PARP3: variants seen among roughly 807,000 people sequenced by gnomAD.
PARP3 encodes the protein protein mono-ADP-ribosyltransferase PARP3.
Under a neutral mutation model 58.2 loss-of-function variants are expected in PARP3, and 46 were observed. The ratio of observed to expected loss-of-function variants is 0.79; its 90% CI spans 0.62 to 1.01. PARP3 has a LOEUF of 1.01. Among genes scored for constraint, PARP3 ranks in the 50% least tolerant of loss-of-function variants. PARP3 has a pLI of 0.00. For synonymous variants in PARP3, 252 were observed against 266.4 expected, an observed-to-expected ratio of 0.95 and a Z score of 0.53; for missense variants, 663 against 683.9, an observed-to-expected ratio of 0.97 and a Z score of 0.34.
At position 51,945,543 on chromosome 3, in the gene PARP3, CAGG is replaced by C. The variant is rs1699656270; in HGVS notation, c.913_915del (p.Glu305del). 5 of 1,613,906 alleles carry C rather than the reference CAGG, an allele frequency of 3.1e-6. No homozygotes were observed. Among genetic ancestry groups the C allele is most frequent in the Non-Finnish European group, 4.2e-6 (5 of 1,179,998 alleles). On this transcript the variant is annotated inframe_deletion, in exon 7 of 11. Transcript: ENST00000398755. The stretch of plus-strand genomic sequence containing the variant: ...CCAGGCCCTGCAGGCAGTCTCTGAG[CAGG>C]AGAAGACGGTGGAGGAGGTGCCACA...
At chr3:51,948,066 C>T (rs780899367) in intron 10 of PARP3, among the ~76,000 whole-genome samples, 171 bp downstream of exon 10, 2 of 152,184 alleles carry the variant, frequency 1.3e-5, no homozygotes, top group Non-Finnish European at 2.9e-5. Context: ...CTGGGCATCC[C>T]GGAGGGCTTC....
At chr3:51,943,882 C>T (rs1422375096) in intron 2 of PARP3, among the ~76,000 whole-genome samples, 2 of 151,582 alleles carry the variant, frequency 1.3e-5, no homozygotes, top group Admixed American at 6.6e-5. Context: ...CCCCCAGCAC[C>T]CCCCATACCT....
At chr3:51,948,177 G>C in intron 10 of PARP3, 134 bp from the exon 11 acceptor site, 1 of 949,182 alleles carries the variant, frequency 1.1e-6, no homozygotes. Flanking sequence ...CCCTGCAGTG[G>C]TTTGGAGGTG....
chr3:51,946,351 G>A lies in PARP3; in HGVS notation c.1276+8G>A, dbSNP rs1004527470. The A allele has an allele frequency of 2.0e-5, 31 of 1,589,082 alleles. No homozygotes were observed. Among genetic ancestry groups the A allele is most frequent in the Non-Finnish European group, 2.5e-5 (29 of 1,166,718 alleles). The stretch of plus-strand genomic sequence containing the variant: ...GCAAGTCAGCTGGATATGGTGAGGT[G>A]CCCCTCTGGGCCAAGCCCTGGGAGG... On this transcript the variant is annotated splice_region_variant and intron_variant, in intron 9 of 10. Transcript: ENST00000398755. This position sits in a 1 kb window ranked among gnomAD's most constrained non-coding sequence, Gnocchi z 4.6.
Position 51,946,242 on chromosome 3 carries a change from C to T in PARP3, c.1175C>T (p.Ala392Val), listed in dbSNP as rs569487633. Residue 392 changes from alanine (A) to valine (V), a missense_variant, in exon 9 of 11, where the codon GCC (alanine) becomes GTC (valine). Coordinates refer to ENST00000398755, the MANE Select transcript of PARP3 (RefSeq NM_001003931.4). The surrounding 1 kb of genome is among the most constrained non-coding windows in gnomAD (Gnocchi z 4.6). ...LWHGTNMAVV[A>V]AILTSGLRIM... ...CATGGCACCAACATGGCCGTGGTGG[C>T]CGCCATCCTCACTAGTGGGCTCCGC... The T allele has an allele frequency of 2.5e-6, 4 of 1,613,992 alleles. No homozygotes were observed. The African/African-American group carries it at 4.0e-5, about 16-fold the overall frequency.
chr3:51,945,281 G>A (rs1699650162), intron 6 of PARP3, 57 bp downstream of exon 6: 13 of 1,549,422 alleles, frequency 8.4e-6, no homozygotes, highest in African/African-American at 1.4e-5. Context: ...CAGCCTAGGC[G>A]AGCGAGATGA....
Position 51,945,131 on chromosome 3 carries a change from C to G in PARP3, c.768C>G (p.His256Gln), listed in dbSNP as rs371960861. ...AAAGCCTGGAGGAGCTGTCCTCACA[C>G]TTTTACACCGTCATCCCGCACAACT... The part of the protein sequence containing the change: ...GGQSLEELSS[H>Q]FYTVIPHNFG... The change falls in exon 6 of 11, where the codon CAC (histidine) becomes CAG (glutamine). Residue 256 changes from histidine (H) to glutamine (Q), a missense_variant. By Grantham distance (24) the His-to-Gln change is conservative (BLOSUM62 0). Coordinates refer to ENST00000398755, the MANE Select transcript of PARP3 (RefSeq NM_001003931.4). 327 of 1,614,002 alleles carry G rather than the reference C, an allele frequency of 2.0e-4. No homozygotes were observed. Among genetic ancestry groups the G allele is most frequent in the Non-Finnish European group, 2.5e-4 (292 of 1,180,056 alleles).
chr3:51,948,752 C>A lies in PARP3; in HGVS notation c.*272C>A, dbSNP rs184343921. 1.5e-4 allele frequency: 63 copies of A among 431,290 alleles called. No homozygotes were observed. The highest frequency in any genetic ancestry group is 6.9e-4 in the Admixed American group (17 of 24,480). 26.7% of individuals were successfully genotyped at this position (431,290 alleles called of 1,614,324 possible). A position where few individuals can be genotyped will look rare whatever the true frequency, so the allele number is the denominator to read the frequency against. On this transcript the variant is annotated 3_prime_UTR_variant, in exon 11 of 11. Transcript: ENST00000398755. ...ATAAGGGCAGCTTTTATAGGTTCCA[C>A]ATGTAAGTGAGATCATGCAGTGTTT... is the stretch of plus-strand genomic sequence containing the variant.
chr3:51,944,764 C>T lies in PARP3; in HGVS notation c.502-14C>T, dbSNP rs372509706. 448 of 1,602,414 alleles carry T rather than the reference C, an allele frequency of 2.8e-4. 2 individuals carry two copies. The highest frequency in any genetic ancestry group is 1.9e-3 in the Middle Eastern group (11 of 5,646). On this transcript the variant is annotated splice_polypyrimidine_tract_variant and intron_variant, in intron 4 of 10. Coordinates refer to ENST00000398755, the MANE Select transcript of PARP3 (RefSeq NM_001003931.4). This position sits in a 1 kb window ranked among gnomAD's most constrained non-coding sequence, Gnocchi z 4.2. ...GCCCCGCTGCTCCTGCCCACATGTG[C>T]CCTCTATCTTCAGGTGGACAGAGGC...
At chr3:51,947,349 C>T (rs186650802) in intron 9 of PARP3, among the ~76,000 whole-genome samples, 2 of 152,278 alleles carry the variant, frequency 1.3e-5, no homozygotes, top group Admixed American at 6.5e-5. Context: ...GCAAGGGGTC[C>T]ACCAGGAGGG....
Position 51,943,410 on chromosome 3 carries a change from G to A in PARP3, c.55G>A (p.Gly19Ser), listed in dbSNP as rs773475379. ...VQTEGPEKKKGRQAGREEDPF... is the reference protein window; with the variant it reads ...VQTEGPEKKKSRQAGREEDPF... ...GACTGAGGGCCCTGAGAAGAAGAAGGGCCGGCAGGCAGGAAGGGAGGAGGA... is the reference window on the plus strand; with the variant it reads ...GACTGAGGGCCCTGAGAAGAAGAAGAGCCGGCAGGCAGGAAGGGAGGAGGA... The change falls in exon 2 of 11, where the codon GGC (glycine) becomes AGC (serine). Residue 19 changes from glycine (G) to serine (S), a missense_variant. Gly to Ser is a moderately conservative substitution (Grantham distance 56). Transcript: ENST00000398755. 18 of 1,604,038 alleles carry A rather than the reference G, an allele frequency of 1.1e-5. No individual in the cohort carries two copies. In the Admixed American group the frequency reaches 1.7e-4, roughly 15 times the overall value.
chr3:51,947,822 C>A lies in PARP3; in HGVS notation c.1359C>A (p.Asn453Lys). 6.2e-7 allele frequency: 1 copy of A among 1,614,104 alleles called. No individual in the cohort carries two copies. Among genetic ancestry groups the A allele is most frequent in the South Asian group, 1.1e-5 (1 of 91,074 alleles). The change falls in exon 10 of 11, where the codon AAC becomes AAA. Residue 453 changes from asparagine (N) to lysine (K), a missense_variant. By Grantham distance (94) the Asn-to-Lys change is moderately conservative. This residue lies in a region of PARP3 where 88 missense variants were observed against 109.1 expected (regional missense o/e 0.81). Transcript: ENST00000398755. ...EVALGREHHINTDNPSLKSPP... is the reference protein window; with the variant it reads ...EVALGREHHIKTDNPSLKSPP... ...CCCTGGGCAGAGAGCACCATATCAA[C>A]ACGGACAACCCCAGCTTGAAGAGCC...
intron 1 of PARP3, chr3:51,942,953 A>G: frequency 7.1e-7 from 1 of 1,410,340 alleles, no homozygotes; most frequent in Non-Finnish European, 9.2e-7. Flanking sequence ...CCCGGCAACC[A>G]TGCCAGGGCT....
In PARP3 at chr3:51,945,194, GCTT is replaced by G; in HGVS notation, c.834_836del (p.Leu279del). 1 of 1,613,944 alleles carries G rather than the reference GCTT, an allele frequency of 6.2e-7. No homozygotes were observed. Among genetic ancestry groups the G allele is most frequent in the Non-Finnish European group, 8.5e-7 (1 of 1,180,042 alleles). ...AGCCCCCGCCCATCAATTCCCCTGA[GCTT>G]CTGCAGGCCAAGAAGGACATGCTGC... On this transcript the variant is annotated inframe_deletion, in exon 6 of 11. Coordinates refer to ENST00000398755, the MANE Select transcript of PARP3 (RefSeq NM_001003931.4).
intron 9 of PARP3, among the ~76,000 whole-genome samples, chr3:51,947,427 A>G (rs1699706080): frequency 6.6e-6 from 1 of 152,104 alleles, no homozygotes; most frequent in Non-Finnish European, 1.5e-5. Flanking sequence ...AGTCCCAGGT[A>G]GGGGCTGATG....
chr3:51,945,199 T>G lies in PARP3; in HGVS notation c.836T>G (p.Leu279Arg). ...CCGCCCATCAATTCCCCTGAGCTTC[T>G]GCAGGCCAAGAAGGACATGCTGCTG... Reference protein sequence around the residue: ...QPPPINSPELLQAKKDMLLVL... With the variant: ...QPPPINSPELRQAKKDMLLVL... The change falls in exon 6 of 11, where the codon CTG becomes CGG. Residue 279 changes from leucine (L) to arginine (R), a missense_variant. By Grantham distance (102) the Leu-to-Arg change is moderately radical. This residue lies in a region of PARP3 where 567 missense variants were observed against 553.6 expected (regional missense o/e 1.02). Coordinates refer to ENST00000398755, the MANE Select transcript of PARP3 (RefSeq NM_001003931.4). 1 of 1,613,852 alleles carries G rather than the reference T, an allele frequency of 6.2e-7. No individual in the cohort carries two copies. The highest frequency in any genetic ancestry group is 8.5e-7 in the Non-Finnish European group (1 of 1,180,012).
rs773813635 is a variant in PARP3 at position 51,947,846 on chromosome 3, C to A, written c.1383C>A (p.Ser461Arg). 5 of 1,613,970 alleles carry A rather than the reference C, an allele frequency of 3.1e-6. No individual in the cohort carries two copies. The highest frequency in any genetic ancestry group is 1.3e-5 in the African/African-American group (1 of 74,884). ...HINTDNPSLK[S>R]PPPGFDSVIA... ...ACACGGACAACCCCAGCTTGAAGAGCCCACCTCCTGGCTTCGACAGTGTCA... is the reference window on the plus strand; with the variant it reads ...ACACGGACAACCCCAGCTTGAAGAGACCACCTCCTGGCTTCGACAGTGTCA... Residue 461 changes from serine to arginine, a missense_variant, in exon 10 of 11, where the codon AGC becomes AGA. Physicochemically the swap from Ser to Arg is moderately radical, Grantham distance 110. Transcript: ENST00000398755.
Position 51,945,641 on chromosome 3 carries a change from C to T in PARP3, c.1008C>T (p.Tyr336=). Residue 336 remains tyrosine, a synonymous_variant, in exon 7 of 11, where the codon TAC becomes TAT. Coordinates refer to ENST00000398755, the MANE Select transcript of PARP3 (RefSeq NM_001003931.4). ...LQLLDSGAPE[Y]KVIQTYLEQT... ...TGCTAGACTCTGGAGCACCTGAGTA[C>T]AAGGTGAGTTGGGCCCCACAGAGGG... The T allele has an allele frequency of 4.3e-6, 7 of 1,613,706 alleles. No homozygotes were observed. The highest frequency in any genetic ancestry group is 5.1e-6 in the Non-Finnish European group (6 of 1,179,900).
chr3:51,945,238 G>C lies in PARP3; in HGVS notation c.861+14G>C, dbSNP rs1699648798. On this transcript the variant is annotated intron_variant, in intron 6 of 10. Transcript: ENST00000398755. Reference sequence around the variant, plus strand: ...GACATGCTGCTGGTGAGGGCTGGCAGGGGTGCGGGCAGGCAGTGGGGCACT... The same window carrying C: ...GACATGCTGCTGGTGAGGGCTGGCACGGGTGCGGGCAGGCAGTGGGGCACT... 1.2e-6 allele frequency: 2 copies of C among 1,611,112 alleles called. No individual in the cohort carries two copies. Among genetic ancestry groups the C allele is most frequent in the Admixed American group, 1.7e-5 (1 of 59,998 alleles).
Sources: allele counts gnomAD v4.1 joint callset (sites outside exome capture counted in the v4.1 genomes callset), GRCh38; gene constraint gnomAD v4.1.1; regional missense constraint gnomAD v4.1.1; non-coding constraint Gnocchi (gnomAD v3.1); transcripts MANE v1.5; gene names NCBI Gene and HGNC (gene_info 2026-07-23, HGNC 2026-07-21).